The following SYNPO2 variants were observed in gnomAD, a reference collection of about 807,000 sequenced individuals.
SYNPO2 encodes the protein synaptopodin-2.
Under a neutral mutation model 85.0 loss-of-function variants are expected in SYNPO2, and 56 were observed. That is an observed-to-expected ratio of 0.66 (90% CI 0.53 to 0.82). The LOEUF is 0.82. Among genes scored for constraint, SYNPO2 ranks in the 40% least tolerant of loss-of-function variants. SYNPO2 has a pLI of 0.00. For synonymous variants in SYNPO2, 602 were observed against 591.1 expected, an observed-to-expected ratio of 1.02 and a Z score of -0.27; for missense variants, 1,575 against 1,534.2, an observed-to-expected ratio of 1.03 and a Z score of -0.44.
At chr4:119,045,311 A>T (rs1176146457) in intron 4 of SYNPO2, among the ~76,000 whole-genome samples, 1 of 152,160 alleles carries the variant, frequency 6.6e-6, no homozygotes, top group Non-Finnish European at 1.5e-5. Context: ...AACTTCCCAC[A>T]TGCTGGATGC....
chr4:119,031,449 A>G lies in SYNPO2; in HGVS notation c.2674A>G (p.Thr892Ala). 6.2e-7 allele frequency: 1 copy of G among 1,614,158 alleles called. No homozygotes were observed. The highest frequency in any genetic ancestry group is 8.5e-7 in the Non-Finnish European group (1 of 1,180,026). Residue 892 changes from threonine to alanine, a missense_variant, in exon 4 of 5, where the codon ACG becomes GCG. By Grantham distance (58) the Thr-to-Ala change is moderately conservative. Coordinates refer to ENST00000307142, the MANE Select transcript of SYNPO2 (RefSeq NM_133477.3). The stretch of plus-strand genomic sequence containing the variant: ...GGAGAAGTATGTGGTCGATTCAGAC[A>G]CGGTGCAGGCCCACGCTGCTCGAGC... The part of the protein sequence containing the change: ...RMEKYVVDSD[T>A]VQAHAARAQS...
chr4:119,051,848 A>G (rs1333040460), intron 4 of SYNPO2, among the ~76,000 whole-genome samples: 6 of 152,190 alleles, frequency 3.9e-5, no homozygotes, highest in African/African-American at 1.4e-4. Flanking sequence ...TACAAAGAAT[A>G]TAGTAGCAAA....
intron 1 of SYNPO2, among the ~76,000 whole-genome samples, chr4:118,993,004 A>T (rs1736465117): frequency 6.6e-6 from 1 of 152,182 alleles, no homozygotes; most frequent in Non-Finnish European, 1.5e-5. Context: ...GCAAAGCTAG[A>T]TTCATCTTCT....
chr4:118,899,609 C>T (rs1185758226), intron 1 of SYNPO2, among the ~76,000 whole-genome samples: 1 of 152,108 alleles, frequency 6.6e-6, no homozygotes, highest in Non-Finnish European at 1.5e-5. Context: ...AATCATTTTT[C>T]ATTTTCGTCA....
chr4:119,039,899 A>T (rs1298319988), intron 4 of SYNPO2, among the ~76,000 whole-genome samples: 1 of 152,230 alleles, frequency 6.6e-6, no homozygotes, highest in East Asian at 1.9e-4. Context: ...GTAAACCTTG[A>T]GCCCACAAGA....
At chr4:118,863,854 G>A (rs568290897) in intron 1 of SYNPO2, among the ~76,000 whole-genome samples, 18 of 152,246 alleles carry the variant, frequency 1.2e-4, no homozygotes, top group South Asian at 2.1e-4. Context: ...TAATCCACCC[G>A]CTTCAGCCTC....
rs1731945692 is a variant in SYNPO2, at chr4:118,877,362, G to A, written c.12+26422G>A. 2.0e-5 allele frequency among the ~76,000 whole-genome samples: 3 copies of A among 151,946 alleles called. No individual in the cohort carries two copies. In the South Asian group the frequency reaches 6.2e-4, roughly 32 times the overall value. On this transcript the variant is annotated intron_variant, in intron 1 of 4. Transcript: ENST00000610556. ...TACAAAAACAGAAATTGACAAACGG[G>A]ACCCAAATAAACTAAAGAGCTTTTG...
chr4:118,902,377 C>T (rs1040743934), intron 1 of SYNPO2, among the ~76,000 whole-genome samples: 1 of 152,108 alleles, frequency 6.6e-6, no homozygotes, highest in African/African-American at 2.4e-5. Context: ...CACAGTTCCA[C>T]GTGGCTGGAA....
chr4:118,884,572 T>C (rs575530168), upstream of SYNPO2, among the ~76,000 whole-genome samples: 1 of 152,300 alleles, frequency 6.6e-6, no homozygotes, highest in South Asian at 2.1e-4. Flanking sequence ...CCTAAACCAA[T>C]AGCTACTAAC....
intron 1 of SYNPO2, among the ~76,000 whole-genome samples, chr4:118,993,453 A>G (rs572877754): frequency 6.6e-6 from 1 of 152,342 alleles, no homozygotes; most frequent in Admixed American, 6.5e-5. Context: ...ATGGAGAAAT[A>G]TATTCCATTT....
At chr4:118,877,286 C>T (rs1247603438) in intron 1 of SYNPO2, among the ~76,000 whole-genome samples, 1 of 152,110 alleles carries the variant, frequency 6.6e-6, no homozygotes, top group Non-Finnish European at 1.5e-5. Flanking sequence ...AAATACCTTT[C>T]TGGATATAGG....
At chr4:119,014,521 T>C (rs1737453001) in intron 1 of SYNPO2, among the ~76,000 whole-genome samples, 1 of 152,242 alleles carries the variant, frequency 6.6e-6, no homozygotes, top group Non-Finnish European at 1.5e-5. Context: ...AAAGTACTTA[T>C]GTTAACATGC....
intron 1 of SYNPO2, among the ~76,000 whole-genome samples, chr4:118,871,897 G>C (rs1337377189): frequency 6.6e-6 from 1 of 152,200 alleles, no homozygotes; most frequent in Non-Finnish European, 1.5e-5. Flanking sequence ...GAATGACTGG[G>C]TCAAAGCAGC....
chr4:119,058,443 G>A lies in SYNPO2; in HGVS notation c.*509G>A, dbSNP rs1032576541. On this transcript the variant is annotated 3_prime_UTR_variant, in exon 5 of 5. Coordinates refer to ENST00000307142, the MANE Select transcript of SYNPO2 (RefSeq NM_133477.3). The stretch of plus-strand genomic sequence containing the variant: ...TTACTTTATAAAAATATTTTCCTTG[G>A]TGTTAAGTATTTCTCTGCAACTTTT... 6.9e-6 allele frequency: 1 copy of A among 144,288 alleles called. No individual in the cohort carries two copies. The highest frequency in any genetic ancestry group is 7.0e-5 in the Admixed American group (1 of 14,334). The allele number at this position is 144,288 out of a possible 1,614,324, so 8.9% of individuals were successfully genotyped here.
rs561504266 is a variant in SYNPO2, at chr4:119,000,827, A to G, written c.106-22603A>G. Among the ~76,000 whole-genome samples the G allele has an allele frequency of 3.9e-5, 6 of 152,330 alleles. No homozygotes were observed. The East Asian group carries it at 1.2e-3, about 29-fold the overall frequency. On this transcript the variant is annotated intron_variant, in intron 1 of 4. Transcript: ENST00000307142. ...ATTATGTCATTTGCAGAGAGGGTCC[A>G]TGTCTTCCTGCTGTTCTTTCTTTCT... is the stretch of plus-strand genomic sequence containing the variant.
Position 118,859,463 on chromosome 4 carries a change from A to AT in SYNPO2, c.12+8529dup, listed in dbSNP as rs1230900371. Among the ~76,000 whole-genome samples, 6 of 152,218 alleles carry AT rather than the reference A, an allele frequency of 3.9e-5. No individual in the cohort carries two copies. The East Asian group carries it at 9.7e-4, about 25-fold the overall frequency. ...TTATTTTTAAAAGTGCGACTAAATT[A>AT]TTTTTTACTCTAGTCACCTTGTCAT... On this transcript the variant is annotated intron_variant, in intron 1 of 4. Transcript: ENST00000610556.
intron 1 of SYNPO2, among the ~76,000 whole-genome samples, chr4:118,915,299 T>C (rs1287146545): frequency 6.6e-6 from 1 of 152,104 alleles, no homozygotes; most frequent in Non-Finnish European, 1.5e-5. Flanking sequence ...TCACCCTGCC[T>C]CTCCCCACCT....
At chr4:118,858,168 T>C (rs905195528) in intron 1 of SYNPO2, among the ~76,000 whole-genome samples, 1 of 152,172 alleles carries the variant, frequency 6.6e-6, no homozygotes, top group Non-Finnish European at 1.5e-5. Flanking sequence ...GGTGACATCT[T>C]CTCTATTGCT....
At position 119,023,557 on chromosome 4, in the gene SYNPO2, A is replaced by T. The variant is rs1737821750; in HGVS notation, c.233A>T (p.Asp78Val). The T allele has an allele frequency of 6.2e-7, 1 of 1,612,492 alleles. No individual in the cohort carries two copies. Among genetic ancestry groups the T allele is most frequent in the African/African-American group, 1.3e-5 (1 of 74,786 alleles). Residue 78 changes from aspartate (D) to valine (V), a missense_variant, in exon 2 of 5, where the codon GAC becomes GTC. By Grantham distance (152) the Asp-to-Val change is radical (BLOSUM62 -3). Coordinates refer to ENST00000307142, the MANE Select transcript of SYNPO2 (RefSeq NM_133477.3). ...ATCAAGCTCATGGAAAGCATAACAG[A>T]CTCTCTCCAAATGCTCATCAAAAGG... Reference protein sequence around the residue: ...EVIKLMESITDSLQMLIKRPS... With the variant: ...EVIKLMESITVSLQMLIKRPS...
Sources: allele counts gnomAD v4.1 joint callset (sites outside exome capture counted in the v4.1 genomes callset), GRCh38; gene constraint gnomAD v4.1.1; transcripts MANE v1.5; gene names NCBI Gene and HGNC (gene_info 2026-07-23, HGNC 2026-07-21).